The following ZNF704 variants were observed in gnomAD, a reference collection of about 807,000 sequenced individuals.
ZNF704 encodes glucocorticoid induced gene 1.
A neutral mutation model predicts 44.7 loss-of-function variants in ZNF704; 10 were observed. The ratio of observed to expected loss-of-function variants is 0.22; its 90% CI spans 0.14 to 0.38. The LOEUF (loss-of-function observed/expected upper bound fraction) is 0.38, where lower values mean the gene tolerates loss of function less well. Among genes scored for constraint, ZNF704 ranks in the 10% least tolerant of loss-of-function variants. The probability of loss-of-function intolerance (pLI) is 1.00; values close to 1 mark genes in which losing one functional copy is unlikely to be tolerated. For synonymous variants in ZNF704, 211 were observed against 207.6 expected (o/e 1.02, Z -0.14); for missense variants, 390 against 545.5 (o/e 0.71, Z 2.84).
chr8:80,835,382 C>T (rs757253642), intron 1 of ZNF704, among the ~76,000 whole-genome samples: 2 of 152,124 alleles, frequency 1.3e-5, no homozygotes, highest in Non-Finnish European at 2.9e-5. Context: ...AAGAAAACAA[C>T]ATGACACCAC....
intron 1 of ZNF704, among the ~76,000 whole-genome samples, chr8:80,837,236 A>G (rs772313357): frequency 1.3e-5 from 2 of 152,224 alleles, no homozygotes; most frequent in Non-Finnish European, 2.9e-5. Flanking sequence ...TAGGTTTAAT[A>G]TAAGCACAGA....
At chr8:80,714,400 T>A (rs1819039736) in intron 2 of ZNF704, among the ~76,000 whole-genome samples, 2 of 152,238 alleles carry the variant, frequency 1.3e-5, no homozygotes, top group Non-Finnish European at 2.9e-5. Flanking sequence ...AGACTCTTTT[T>A]CGAAAGTTCA....
chr8:80,735,395 C>A (rs1182207808), intron 2 of ZNF704, among the ~76,000 whole-genome samples: 1 of 152,206 alleles, frequency 6.6e-6, no homozygotes, highest in Non-Finnish European at 1.5e-5. Context: ...GCATTTTACT[C>A]ATGATTTAGA....
At chr8:80,842,129 C>T (rs1808691199) in intron 1 of ZNF704, among the ~76,000 whole-genome samples, 1 of 152,092 alleles carries the variant, frequency 6.6e-6, no homozygotes, top group Non-Finnish European at 1.5e-5. Context: ...CCCAGTATTC[C>T]TGGCTAAACT....
chr8:80,645,319 G>C (rs1055224770), intron 7 of ZNF704: 1 of 744,278 alleles, frequency 1.3e-6, no homozygotes, highest in African/African-American at 1.8e-5. Flanking sequence ...CACAGGAATA[G>C]CATTGTCACT....
intron 2 of ZNF704, among the ~76,000 whole-genome samples, chr8:80,761,497 A>C (rs188705039): frequency 6.6e-6 from 1 of 152,212 alleles, no homozygotes; most frequent in Non-Finnish European, 1.5e-5. Flanking sequence ...AATCCCCAAA[A>C]ATCATAATCC....
chr8:80,745,776 T>C (rs894053953), intron 2 of ZNF704, among the ~76,000 whole-genome samples: 3 of 152,060 alleles, frequency 2.0e-5, no homozygotes, highest in Admixed American at 1.3e-4. Flanking sequence ...ATTCCACATA[T>C]CAGATTACAG....
chr8:80,743,556 C>T (rs932232821), intron 2 of ZNF704, among the ~76,000 whole-genome samples: 4 of 152,226 alleles, frequency 2.6e-5, no homozygotes, highest in Non-Finnish European at 5.9e-5. Context: ...GCGCTGAGAG[C>T]AGTGGCTCTC....
upstream of ZNF704, among the ~76,000 whole-genome samples, chr8:80,875,589 C>G (rs1809345471): frequency 6.6e-6 from 1 of 152,196 alleles, no homozygotes; most frequent in Non-Finnish European, 1.5e-5. Flanking sequence ...CAGGTGTGAG[C>G]CACCGTGCCC....
intron 2 of ZNF704, among the ~76,000 whole-genome samples, chr8:80,770,295 T>C (rs748795714): frequency 5.3e-5 from 8 of 152,214 alleles, no homozygotes; most frequent in Non-Finnish European, 8.8e-5. Flanking sequence ...TTCCTCACGA[T>C]GTCCTATTAT....
At chr8:80,854,246 C>T (rs1280590041) in intron 1 of ZNF704, among the ~76,000 whole-genome samples, 1 of 152,188 alleles carries the variant, frequency 6.6e-6, no homozygotes, top group Non-Finnish European at 1.5e-5. Flanking sequence ...GCATTCATTT[C>T]CATTACATGT....
chr8:80,772,938 T>C (rs1807344631), intron 2 of ZNF704, among the ~76,000 whole-genome samples: 1 of 152,238 alleles, frequency 6.6e-6, no homozygotes, highest in Non-Finnish European at 1.5e-5. Context: ...AATTTTGATA[T>C]GCTACATTTT....
chr8:80,815,435 T>G (rs1036181545), intron 2 of ZNF704, among the ~76,000 whole-genome samples: 6 of 152,246 alleles, frequency 3.9e-5, no homozygotes, highest in Admixed American at 1.3e-4. Context: ...TAAGCATCAG[T>G]ACCTTCAAAA....
chr8:80,836,381 C>T (rs1026472465), intron 1 of ZNF704, among the ~76,000 whole-genome samples: 2 of 152,132 alleles, frequency 1.3e-5, no homozygotes, highest in Non-Finnish European at 2.9e-5. Flanking sequence ...AGTCTTTGTT[C>T]AAATGTCTTT....
chr8:80,758,138 T>C (rs1022853978), intron 2 of ZNF704, among the ~76,000 whole-genome samples: 9 of 152,240 alleles, frequency 5.9e-5, no homozygotes, highest in African/African-American at 1.9e-4. Context: ...ATCTTCACTG[T>C]CATCGGAAGT....
intron 2 of ZNF704, among the ~76,000 whole-genome samples, chr8:80,783,651 C>G (rs1205105941): frequency 6.6e-6 from 1 of 152,084 alleles, no homozygotes; most frequent in Non-Finnish European, 1.5e-5. Flanking sequence ...ACAGAAAGTT[C>G]CCATGTTCCC....
intron 2 of ZNF704, among the ~76,000 whole-genome samples, chr8:80,722,503 T>C (rs1246074499): frequency 1.3e-5 from 2 of 152,214 alleles, no homozygotes; most frequent in East Asian, 1.9e-4. Context: ...TCATGAAATA[T>C]AGAAAATATT....
intron 2 of ZNF704, among the ~76,000 whole-genome samples, chr8:80,747,094 T>C (rs1806859128): frequency 6.6e-6 from 1 of 152,120 alleles, no homozygotes; most frequent in Non-Finnish European, 1.5e-5. Flanking sequence ...ATCCCAATGC[T>C]TCTAGCTTTC....
intron 4 of ZNF704, 66 bp from the exon 5 acceptor site, chr8:80,670,669 C>A (rs1818264327): frequency 8.5e-7 from 1 of 1,172,458 alleles, no homozygotes; most frequent in East Asian, 2.4e-5. Context: ...TTTATGTCAT[C>A]CCAACATATT....
Sources: gnomAD v4.1 joint callset for allele counts (sites outside exome capture counted in the v4.1 genomes callset) on GRCh38, gnomAD v4.1.1 for gene constraint, MANE v1.5 for transcripts, NCBI Gene and HGNC (gene_info 2026-07-23, HGNC 2026-07-21) for gene names.